Variants in PTPRM observed in about 807,000 individuals in gnomAD.
The protein encoded by PTPRM is receptor-type tyrosine-protein phosphatase mu.
Under a neutral mutation model 186.7 loss-of-function variants are expected in PTPRM, and 47 were observed. The ratio of observed to expected loss-of-function variants is 0.25; its 90% CI spans 0.20 to 0.32. PTPRM has a LOEUF of 0.32. Ranked by LOEUF, PTPRM falls within the 10% of genes least tolerant of loss-of-function variation. The pLI is 1.00. For synonymous variants in PTPRM, 668 were observed against 674.9 expected (o/e 0.99, Z 0.16); for missense variants, 1,494 against 1,865.0 (o/e 0.80, Z 3.66).
chr18:7,776,695 CTA>C (rs911964841), intron 2 of PTPRM, among the ~76,000 whole-genome samples: 3 of 152,052 alleles, frequency 2.0e-5, no homozygotes, highest in African/African-American at 7.2e-5. Flanking sequence ...AGTGAACAAT[CTA>C]AAATGATATA....
chr18:7,588,295 T>C (rs1041995656), intron 1 of PTPRM, among the ~76,000 whole-genome samples: 6 of 152,166 alleles, frequency 3.9e-5, no homozygotes, highest in African/African-American at 1.2e-4. Context: ...CAACTTTGTA[T>C]TTAATTCTTA....
intron 2 of PTPRM, among the ~76,000 whole-genome samples, chr18:7,777,706 A>C (rs9956179): frequency 0.013 from 1,952 of 152,298 alleles, 27 homozygotes; most frequent in African/African-American, 0.044. Context: ...TTGGGCTATC[A>C]AAATCAGTAA....
At chr18:8,277,913 G>T (rs1483638121) in intron 19 of PTPRM, among the ~76,000 whole-genome samples, 1 of 152,222 alleles carries the variant, frequency 6.6e-6, no homozygotes, top group African/African-American at 2.4e-5. Context: ...GTGCGTATCT[G>T]TAAGTACACA....
At chr18:7,964,163 A>T (rs934431336) in intron 7 of PTPRM, among the ~76,000 whole-genome samples, 6 of 152,220 alleles carry the variant, frequency 3.9e-5, no homozygotes, top group African/African-American at 1.4e-4. Flanking sequence ...TTTATACTAC[A>T]CTGGGGTCCT....
intron 2 of PTPRM, among the ~76,000 whole-genome samples, chr18:7,812,600 A>G (rs1377212832): frequency 2.6e-5 from 4 of 152,210 alleles, no homozygotes; most frequent in Admixed American, 6.5e-5. Flanking sequence ...ATGGATTGTC[A>G]TGGCAGTGTG....
At chr18:8,084,718 G>A (rs549709741) in intron 9 of PTPRM, among the ~76,000 whole-genome samples, 3 of 152,154 alleles carry the variant, frequency 2.0e-5, no homozygotes, top group Middle Eastern at 3.4e-3. Context: ...TAAAACTTTC[G>A]AATATGCCAC....
At chr18:8,098,264 G>A (rs1264448492) in intron 11 of PTPRM, among the ~76,000 whole-genome samples, 1 of 152,146 alleles carries the variant, frequency 6.6e-6, no homozygotes, top group Non-Finnish European at 1.5e-5. Context: ...TAAACATTAT[G>A]TAAAACATAT....
chr18:7,943,475 G>A (rs569848105), intron 5 of PTPRM, among the ~76,000 whole-genome samples: 2 of 152,156 alleles, frequency 1.3e-5, no homozygotes, highest in South Asian at 4.2e-4. Flanking sequence ...ACGACCCCTG[G>A]ACACCTTCAA....
At chr18:8,085,901 T>C in intron 10 of PTPRM, 29 bp downstream of exon 10, 25 of 1,591,440 alleles carry the variant, frequency 1.6e-5, no homozygotes, top group Non-Finnish European at 2.1e-5. Flanking sequence ...TTGTGTCTTT[T>C]ATCAGAAGTA....
chr18:8,279,941 C>T (rs998280816), intron 19 of PTPRM, among the ~76,000 whole-genome samples: 1 of 152,198 alleles, frequency 6.6e-6, no homozygotes, highest in South Asian at 2.1e-4. Context: ...ACAACAGACA[C>T]TTGGAAAGAA....
chr18:7,700,975 C>T (rs372683853), intron 1 of PTPRM, among the ~76,000 whole-genome samples: 1 of 61,008 alleles, frequency 1.6e-5, no homozygotes. Context: ...GAGCCTATCT[C>T]AAAAAAAAAA....
intron 29 of PTPRM, among the ~76,000 whole-genome samples, chr18:8,381,360 TAAAAAAAA>T (rs60672111): frequency 3.6e-5 from 5 of 138,016 alleles, no homozygotes; most frequent in African/African-American, 1.1e-4. Flanking sequence ...TTCTTTTTCT[TAAAAAAAA>T]AAAAAAAAAA....
intron 2 of PTPRM, among the ~76,000 whole-genome samples, chr18:7,864,595 TG>T (rs2047576635): frequency 1.3e-5 from 2 of 152,228 alleles, no homozygotes; most frequent in Non-Finnish European, 2.9e-5. Flanking sequence ...TTTTGGTTAC[TG>T]TAGCCTTGTA....
intron 7 of PTPRM, among the ~76,000 whole-genome samples, chr18:8,033,265 A>T (rs1042883977): frequency 6.6e-6 from 1 of 152,170 alleles, no homozygotes; most frequent in Non-Finnish European, 1.5e-5. Context: ...CTTATTAAAC[A>T]TATTTTAAAA....
chr18:7,965,408 A>G (rs1412342907), intron 7 of PTPRM, among the ~76,000 whole-genome samples: 1 of 152,168 alleles, frequency 6.6e-6, no homozygotes. Flanking sequence ...GCTTAGAGCT[A>G]GAAGGCTGAG....
chr18:8,206,552 A>G (rs1385835496), intron 14 of PTPRM, among the ~76,000 whole-genome samples: 1 of 152,134 alleles, frequency 6.6e-6, no homozygotes, highest in Non-Finnish European at 1.5e-5. Flanking sequence ...CTGGCCCTGA[A>G]TGTTTTAATA....
At chr18:7,738,751 A>T (rs532268361) in intron 1 of PTPRM, among the ~76,000 whole-genome samples, 1 of 152,154 alleles carries the variant, frequency 6.6e-6, no homozygotes, top group Non-Finnish European at 1.5e-5. Context: ...AGTTCGTTCA[A>T]CTTTTGAAGC....
chr18:7,591,520 C>A (rs2037125919), intron 1 of PTPRM, among the ~76,000 whole-genome samples: 1 of 152,144 alleles, frequency 6.6e-6, no homozygotes, highest in African/African-American at 2.4e-5. Context: ...AAAGCACATA[C>A]AACAGCTTCT....
intron 1 of PTPRM, among the ~76,000 whole-genome samples, chr18:7,757,098 C>T (rs1053566299): frequency 1.3e-5 from 2 of 152,176 alleles, no homozygotes; most frequent in Non-Finnish European, 1.5e-5. Context: ...TCTGTATGTG[C>T]CTCTCAGAAC....
Sources: allele counts gnomAD v4.1 joint callset (sites outside exome capture counted in the v4.1 genomes callset), GRCh38; gene constraint gnomAD v4.1.1; transcripts MANE v1.5; gene names NCBI Gene and HGNC (gene_info 2026-07-23, HGNC 2026-07-21).